The following NUB1 variants were observed in gnomAD, a reference collection of about 807,000 sequenced individuals.
NUB1 encodes negative regulator of ubiquitin like proteins 1, also known as NEDD8 ultimate buster 1.
In NUB1, 41 loss-of-function variants were observed where a neutral mutation model predicts 77.1. The observed-to-expected ratio is 0.53, with a 90% CI of 0.41 to 0.69. The LOEUF is 0.69. Among genes scored for constraint, NUB1 ranks in the 30% least tolerant of loss-of-function variants. The pLI is 0.00. For synonymous variants in NUB1, 257 were observed against 281.0 expected (o/e 0.91, Z 0.85); for missense variants, 643 against 743.8 (o/e 0.86, Z 1.58).
In NUB1 at chr7:151,368,836, G is replaced by A. The variant is rs760525423; in HGVS notation, c.1197G>A (p.Ala399=). 1.2e-5 allele frequency: 19 copies of A among 1,613,886 alleles called. No homozygotes were observed. Among genetic ancestry groups the A allele is most frequent in the Middle Eastern group, 1.6e-4 (1 of 6,084 alleles). The change falls in exon 11 of 15, where the codon GCG becomes GCA. Residue 399 remains alanine, a synonymous_variant. Coordinates refer to ENST00000568733, the MANE Select transcript of NUB1 (RefSeq NM_001243351.2). The part of the protein sequence containing the change: ...TAQEARLGLR[A]CDGNVDHAAT... ...AGGAAGCCCGGCTTGGCCTGAGGGC[G>A]TGTGATGGGAACGTGGATCATGCGG...
At position 151,367,024 on chromosome 7, in the gene NUB1, C is replaced by G. The variant is rs749390873; in HGVS notation, c.886C>G (p.Gln296Glu). The G allele has an allele frequency of 1.9e-6, 3 of 1,613,876 alleles. No homozygotes were observed. In the South Asian group the frequency reaches 3.3e-5, roughly 18 times the overall value. ...DIVWCYFRLEQLECLDDAEKK... is the reference protein window; with the variant it reads ...DIVWCYFRLEELECLDDAEKK... ...AGTGTGGTGTTACTTCCGCCTGGAA[C>G]AGCTGGAATGCCTTGATGATGCAGA... is the stretch of plus-strand genomic sequence containing the variant. Residue 296 changes from glutamine (Q) to glutamate (E), a missense_variant, in exon 9 of 15, where the codon CAG (glutamine) becomes GAG (glutamate). Gln to Glu is a conservative substitution (Grantham distance 29). Coordinates refer to ENST00000568733, the MANE Select transcript of NUB1 (RefSeq NM_001243351.2).
chr7:151,362,442 A>T (rs984010323), intron 8 of NUB1, among the ~76,000 whole-genome samples: 1 of 152,240 alleles, frequency 6.6e-6, no homozygotes, highest in African/African-American at 2.4e-5. Flanking sequence ...TTCTCCAAGT[A>T]AGCTAGAAGT....
chr7:151,341,822 T>C lies in NUB1; in HGVS notation c.-27T>C. 6.6e-7 allele frequency: 1 copy of C among 1,507,426 alleles called. No homozygotes were observed. The highest frequency in any genetic ancestry group is 8.8e-7 in the Non-Finnish European group (1 of 1,137,140). 93.4% of individuals were successfully genotyped at this position (1,507,426 alleles called of 1,614,324 possible). A position where few individuals can be genotyped will look rare whatever the true frequency, so the allele number is the denominator to read the frequency against. ...CTGCCGCATCCGGGCACTCTGCTGG[T>C]CGCGGCGGGAGTGGCGTGGCGCAGG... On this transcript the variant is annotated 5_prime_UTR_variant, in exon 1 of 15. Transcript: ENST00000568733.
chr7:151,368,246 G>T (rs897630103), intron 10 of NUB1, among the ~76,000 whole-genome samples: 1 of 152,170 alleles, frequency 6.6e-6, no homozygotes, highest in East Asian at 1.9e-4. Flanking sequence ...TGAGCAGCCC[G>T]CCAGCCTCAG....
chr7:151,376,437 C>T, intron 13 of NUB1, 197 bp from the exon 14 acceptor site: 1 of 577,804 alleles, frequency 1.7e-6, no homozygotes, highest in African/African-American at 1.9e-5. Flanking sequence ...CCTGACGCAC[C>T]CGACTTGAGT....
intron 8 of NUB1, among the ~76,000 whole-genome samples, chr7:151,363,556 C>T (rs1797489676): frequency 6.6e-6 from 1 of 151,424 alleles, no homozygotes. Context: ...ACATGTGGGA[C>T]AGAAACAATA....
At chr7:151,364,664 A>G (rs1797565010) in intron 8 of NUB1, among the ~76,000 whole-genome samples, 1 of 151,870 alleles carries the variant, frequency 6.6e-6, no homozygotes, top group Non-Finnish European at 1.5e-5. Flanking sequence ...AGCTGGGATT[A>G]CAGGCACCCG....
At chr7:151,345,132 A>G (rs1357160641) in intron 1 of NUB1, among the ~76,000 whole-genome samples, 1 of 151,956 alleles carries the variant, frequency 6.6e-6, no homozygotes, top group East Asian at 1.9e-4. Context: ...AGCAACTTTG[A>G]AATACATATT....
chr7:151,368,039 A>G, intron 10 of NUB1, 71 bp downstream of exon 10: 2 of 899,430 alleles, frequency 2.2e-6, no homozygotes, highest in South Asian at 3.1e-5. Context: ...AAGGATTTTA[A>G]CTTAGTAGTT....
At chr7:151,359,046 CAG>C (rs1156755871) in intron 7 of NUB1, among the ~76,000 whole-genome samples, 7 of 151,012 alleles carry the variant, frequency 4.6e-5, no homozygotes, top group African/African-American at 1.7e-4. Flanking sequence ...GCCTGGAAGA[CAG>C]AGCGAGACTC....
intron 7 of NUB1, among the ~76,000 whole-genome samples, 159 bp from the exon 8 acceptor site, chr7:151,359,982 C>T (rs1242045598): frequency 6.6e-6 from 1 of 151,918 alleles, no homozygotes; most frequent in African/African-American, 2.4e-5. Flanking sequence ...TGAAATAAAG[C>T]TTTAATTAAT....
rs754431483 is a variant in NUB1 at position 151,345,450 on chromosome 7, T to C, written c.101T>C (p.Val34Ala). The C allele has an allele frequency of 5.6e-6, 9 of 1,594,500 alleles. No individual in the cohort carries two copies. Among genetic ancestry groups the C allele is most frequent in the African/African-American group, 5.4e-5 (4 of 74,124 alleles). ...KPPYTDENKK[V>A]GLALKDLAKQ... ...CCATATACAGATGAAAATAAAAAAGTTGGTTTGGCATTAAAGGTATTTTTC... is the reference window on the plus strand; with the variant it reads ...CCATATACAGATGAAAATAAAAAAGCTGGTTTGGCATTAAAGGTATTTTTC... The change falls in exon 2 of 15, where the codon GTT becomes GCT. Residue 34 changes from valine to alanine, a missense_variant. Val to Ala is a moderately conservative substitution (Grantham distance 64). Transcript: ENST00000568733.
At position 151,367,005 on chromosome 7, in the gene NUB1, G is replaced by C; in HGVS notation, c.867G>C (p.Trp289Cys). The C allele has an allele frequency of 3.1e-6, 5 of 1,613,798 alleles. No homozygotes were observed. The highest frequency in any genetic ancestry group is 1.7e-6 in the Non-Finnish European group (2 of 1,179,750). ...CCGTCCTCCAGCTGGATATAGTGTG[G>C]TGTTACTTCCGCCTGGAACAGCTGG... ...NYAVLQLDIV[W>C]CYFRLEQLEC... The change falls in exon 9 of 15, where the codon TGG (tryptophan) becomes TGC (cysteine). Residue 289 changes from tryptophan (W) to cysteine (C), a missense_variant. By Grantham distance (215) the Trp-to-Cys change is radical. Transcript: ENST00000568733.
At position 151,367,021 on chromosome 7, in the gene NUB1, GA is replaced by G; in HGVS notation, c.885del (p.Glu295AspfsTer13). On this transcript the variant is annotated frameshift_variant, in exon 9 of 15. Transcript: ENST00000568733. LOFTEE classifies it high-confidence loss of function. ...TATAGTGTGGTGTTACTTCCGCCTG[GA>G]ACAGCTGGAATGCCTTGATGATGCA... is the stretch of plus-strand genomic sequence containing the variant. ...LDIVWCYFRL[E>X]QLECLDDAEK... 6.2e-7 allele frequency: 1 copy of G among 1,613,788 alleles called. No individual in the cohort carries two copies. Among genetic ancestry groups the G allele is most frequent in the Non-Finnish European group, 8.5e-7 (1 of 1,179,740 alleles).
At chr7:151,349,852 G>C (rs1357156855) in intron 3 of NUB1, among the ~76,000 whole-genome samples, 1 of 152,230 alleles carries the variant, frequency 6.6e-6, no homozygotes, top group African/African-American at 2.4e-5. Flanking sequence ...AAACACACAA[G>C]ACAAAGAGAT....
At chr7:151,359,882 A>T (rs1010199512) in intron 7 of NUB1, among the ~76,000 whole-genome samples, 2 of 152,278 alleles carry the variant, frequency 1.3e-5, no homozygotes, top group South Asian at 4.1e-4. Context: ...ATCAGTGGAT[A>T]CGAAAATAAA....
rs771766696 is a variant in NUB1, at chr7:151,376,736, A to G, written c.1594A>G (p.Ser532Gly). ...CCAGACCCTTGCTCACAACGGAGGA[A>G]GCCTGCCTCCCGAGCTGCCGCTGTC... ...AAQTLAHNGG[S>G]LPPELPLSPE... Residue 532 changes from serine to glycine, a missense_variant, in exon 14 of 15, where the codon AGC (serine) becomes GGC (glycine). Transcript: ENST00000568733. The G allele has an allele frequency of 5.6e-6, 9 of 1,603,262 alleles. No homozygotes were observed. In the South Asian group the frequency reaches 8.9e-5, roughly 16 times the overall value.
intron 12 of NUB1, 21 bp downstream of exon 12, chr7:151,374,264 T>C: frequency 6.4e-7 from 1 of 1,550,776 alleles, no homozygotes; most frequent in Non-Finnish European, 8.7e-7. Flanking sequence ...CCTCGGGGCC[T>C]CTGGCCTTGT....
intron 3 of NUB1, among the ~76,000 whole-genome samples, chr7:151,350,204 A>C (rs1427179085): frequency 6.6e-6 from 1 of 152,256 alleles, no homozygotes; most frequent in Admixed American, 6.5e-5. Flanking sequence ...CATGAAAGTG[A>C]AACAGGAGCG....
Sources: gnomAD v4.1 joint callset for allele counts (sites outside exome capture counted in the v4.1 genomes callset) on GRCh38, gnomAD v4.1.1 for gene constraint, MANE v1.5 for transcripts, NCBI Gene and HGNC (gene_info 2026-07-23, HGNC 2026-07-21) for gene names.